The following ERBB4 variants were observed in gnomAD, a reference collection of about 807,000 sequenced individuals.
ERBB4 encodes the protein erb-b2 receptor tyrosine kinase 4, also known as receptor tyrosine-protein kinase erbB-4.
ERBB4 carries 42 observed loss-of-function variants against 158.0 expected under a neutral mutation model. The observed-to-expected ratio is 0.27, with a 90% CI of 0.21 to 0.34. ERBB4 has a LOEUF of 0.34. Among genes scored for constraint, ERBB4 ranks in the 10% least tolerant of loss-of-function variants. ERBB4 has a pLI of 1.00. For synonymous variants in ERBB4, 583 were observed against 558.7 expected (o/e 1.04, Z -0.61); for missense variants, 1,333 against 1,624.1 (o/e 0.82, Z 3.08).
At chr2:211,630,616 A>AT (rs2070076496) in intron 16 of ERBB4, 22 bp from the exon 17 acceptor site, 5 of 1,603,068 alleles carry the variant, frequency 3.1e-6, no homozygotes, top group Middle Eastern at 1.7e-4. Flanking sequence ...AATGAGAAAA[A>AT]AAAAAATAAA....
chr2:211,551,467 T>G (rs1024959764), intron 20 of ERBB4, among the ~76,000 whole-genome samples: 2 of 152,206 alleles, frequency 1.3e-5, no homozygotes, highest in Non-Finnish European at 2.9e-5. Flanking sequence ...TCTTTTATCG[T>G]GCCTTTATAA....
At chr2:211,574,925 G>T (rs1261410717) in intron 19 of ERBB4, among the ~76,000 whole-genome samples, 13 of 152,126 alleles carry the variant, frequency 8.5e-5, no homozygotes, top group Admixed American at 8.5e-4. Flanking sequence ...GCTACTTCTT[G>T]TTGAATTATG....
chr2:212,192,024 A>ATATGT (rs1490068464), intron 1 of ERBB4, among the ~76,000 whole-genome samples: 708 of 39,214 alleles, frequency 0.018, 12 homozygotes, highest in Admixed American at 0.096. Flanking sequence ...GTTATATGTT[A>ATATGT]TATATGTTAT....
Position 211,380,831 on chromosome 2 carries a change from C to T in ERBB4, c.*2784G>A, listed in dbSNP as rs973260406. Reference sequence around the variant, plus strand: ...GGAGGAAAGAGACATTCACTAAATACATTTCTGTTACCTTAACAGTTAAAA... The same window carrying T: ...GGAGGAAAGAGACATTCACTAAATATATTTCTGTTACCTTAACAGTTAAAA... On this transcript the variant is annotated 3_prime_UTR_variant, in exon 28 of 28. Coordinates refer to ENST00000342788, the MANE Select transcript of ERBB4 (RefSeq NM_005235.3). 5.2e-5 allele frequency: 12 copies of T among 231,692 alleles called. No homozygotes were observed. The highest frequency in any genetic ancestry group is 1.1e-4 in the Admixed American group (2 of 17,724). The allele number at this position is 231,692 out of a possible 1,614,324, so 14.4% of individuals were successfully genotyped here.
At chr2:211,880,747 CA>C (rs2078639847) in intron 3 of ERBB4, among the ~76,000 whole-genome samples, 2 of 151,710 alleles carry the variant, frequency 1.3e-5, no homozygotes, top group Admixed American at 1.3e-4. Flanking sequence ...TGATGCTTTA[CA>C]AAAAGTTCAT....
At chr2:212,470,758 A>G (rs778653777) in intron 1 of ERBB4, among the ~76,000 whole-genome samples, 3 of 152,128 alleles carry the variant, frequency 2.0e-5, no homozygotes, top group Admixed American at 6.6e-5. Flanking sequence ...GGGAATATAC[A>G]CTAAAGGGCT....
At chr2:211,551,918 C>T (rs1277084053) in intron 20 of ERBB4, among the ~76,000 whole-genome samples, 1 of 152,152 alleles carries the variant, frequency 6.6e-6, no homozygotes, top group African/African-American at 2.4e-5. Context: ...AGGCTCTGCT[C>T]GTGTAACATA....
At chr2:211,651,137 C>T (rs1157172733) in intron 16 of ERBB4, among the ~76,000 whole-genome samples, 1 of 152,172 alleles carries the variant, frequency 6.6e-6, no homozygotes, top group Non-Finnish European at 1.5e-5. Context: ...GACACTGAGA[C>T]CTTACCTTAC....
At chr2:211,708,951 CTAAGTT>C (rs1255166961) in intron 9 of ERBB4, among the ~76,000 whole-genome samples, 1 of 152,024 alleles carries the variant, frequency 6.6e-6, no homozygotes, top group Non-Finnish European at 1.5e-5. Context: ...CTCTCATTTT[CTAAGTT>C]TATGTTTAAG....
chr2:211,580,787 G>GATAT (rs58919262), intron 19 of ERBB4, among the ~76,000 whole-genome samples: 10 of 67,724 alleles, frequency 1.5e-4, no homozygotes, highest in Non-Finnish European at 2.2e-4. Flanking sequence ...AAGAAATTGT[G>GATAT]ATATATATAT....
intron 7 of ERBB4, among the ~76,000 whole-genome samples, chr2:211,719,869 A>G (rs1362526608): frequency 2.1e-5 from 2 of 95,290 alleles, no homozygotes; most frequent in Non-Finnish European, 3.9e-5. Flanking sequence ...CAAAGAAAAG[A>G]AAAAAAAAAA....
At chr2:211,491,134 G>T (rs2065331534) in intron 20 of ERBB4, among the ~76,000 whole-genome samples, 1 of 152,080 alleles carries the variant, frequency 6.6e-6, no homozygotes, top group African/African-American at 2.4e-5. Context: ...TAAAAGGGAA[G>T]ATTTATCAAA....
intron 9 of ERBB4, among the ~76,000 whole-genome samples, chr2:211,708,633 TC>T (rs879297890): frequency 1.7e-4 from 26 of 151,508 alleles, no homozygotes; most frequent in Non-Finnish European, 2.1e-4. Context: ...TCTCTCTCTC[TC>T]TCTCTCTCTC....
chr2:212,166,848 C>A (rs759117747), intron 1 of ERBB4, among the ~76,000 whole-genome samples: 3 of 151,950 alleles, frequency 2.0e-5, no homozygotes, highest in Non-Finnish European at 4.4e-5. Flanking sequence ...GGGAGATGAT[C>A]TCCTATTCCA....
chr2:212,438,439 G>A (rs554758838), intron 1 of ERBB4, among the ~76,000 whole-genome samples: 4 of 151,248 alleles, frequency 2.6e-5, no homozygotes, highest in African/African-American at 4.9e-5. Context: ...GCTCCTTGAC[G>A]GTAAAGCATA....
intron 1 of ERBB4, among the ~76,000 whole-genome samples, chr2:212,529,342 C>A (rs1692621680): frequency 6.6e-6 from 1 of 152,122 alleles, no homozygotes; most frequent in African/African-American, 2.4e-5. Context: ...ATATATTTAA[C>A]TTGCCAGAAA....
chr2:211,884,292 A>G (rs955359785), intron 3 of ERBB4, among the ~76,000 whole-genome samples: 1 of 152,064 alleles, frequency 6.6e-6, no homozygotes, highest in Non-Finnish European at 1.5e-5. Flanking sequence ...TTCTTTCTCT[A>G]GTTTTAATAT....
At chr2:212,436,704 G>A (rs890062062) in intron 1 of ERBB4, among the ~76,000 whole-genome samples, 1 of 151,988 alleles carries the variant, frequency 6.6e-6, no homozygotes, top group Non-Finnish European at 1.5e-5. Context: ...AAAAGTTAAG[G>A]TTGACAAAAT....
chr2:211,926,380 A>C (rs1045233630), intron 3 of ERBB4, among the ~76,000 whole-genome samples: 1 of 152,158 alleles, frequency 6.6e-6, no homozygotes, highest in Non-Finnish European at 1.5e-5. Context: ...ACTTTATCGT[A>C]GTACTTTTAC....
Sources: allele counts gnomAD v4.1 joint callset (sites outside exome capture counted in the v4.1 genomes callset), GRCh38; gene constraint gnomAD v4.1.1; transcripts MANE v1.5; gene names NCBI Gene and HGNC (gene_info 2026-07-23, HGNC 2026-07-21).